The following ASXL3 variants were observed in gnomAD, a reference collection of about 807,000 sequenced individuals.
The protein encoded by ASXL3 is ASXL transcriptional regulator 3, also known as putative Polycomb group protein ASXL3.
Under a neutral mutation model 170.6 loss-of-function variants are expected in ASXL3, and 34 were observed. The ratio of observed to expected loss-of-function variants is 0.20; its 90% confidence interval spans 0.15 to 0.27. The LOEUF is 0.27. Ranked by LOEUF, ASXL3 falls within the 10% of genes least tolerant of loss-of-function variation. The probability of loss-of-function intolerance (pLI) is 1.00; values close to 1 mark genes in which losing one functional copy is unlikely to be tolerated. For missense variants in ASXL3, 2,592 were observed against 2,695.3 expected (o/e 0.96, Z 0.85); for synonymous variants, 1,002 against 989.1 (o/e 1.01, Z -0.24).
At chr18:33,726,031 G>A (rs562044973) in intron 8 of ASXL3, among the ~76,000 whole-genome samples, 8 of 152,248 alleles carry the variant, frequency 5.3e-5, no homozygotes, top group African/African-American at 1.7e-4. Context: ...CCTCTACACT[G>A]CAGTAGGAGT....
chr18:33,657,760 G>A (rs1028183416), intron 4 of ASXL3, among the ~76,000 whole-genome samples: 4 of 152,064 alleles, frequency 2.6e-5, no homozygotes, highest in Non-Finnish European at 4.4e-5. Flanking sequence ...TGGGGAGTGC[G>A]AGTAGAGGTA....
intron 8 of ASXL3, among the ~76,000 whole-genome samples, chr18:33,730,468 A>G (rs890893656): frequency 6.6e-6 from 1 of 152,188 alleles, no homozygotes. Context: ...CATTGGGAAC[A>G]TAGCACCAAA....
chr18:33,738,884 C>T lies in ASXL3; in HGVS notation c.1480C>T (p.Pro494Ser). The T allele has an allele frequency of 6.2e-7, 1 of 1,613,506 alleles. No homozygotes were observed. The highest frequency in any genetic ancestry group is 1.1e-5 in the South Asian group (1 of 91,050). The change falls in exon 11 of 12, where the codon CCT becomes TCT. Residue 494 changes from proline (P) to serine (S), a missense_variant. Coordinates refer to ENST00000269197, the MANE Select transcript of ASXL3 (RefSeq NM_030632.3). ...TNSHEEPQIA[P>S]PEDNLESCVM... The stretch of plus-strand genomic sequence containing the variant: ...TTCTCATGAAGAACCCCAAATAGCA[C>T]CTCCTGAAGATAACTTGGAATCCTG...
chr18:33,662,444 A>G (rs1451314881), intron 5 of ASXL3, among the ~76,000 whole-genome samples: 1 of 152,174 alleles, frequency 6.6e-6, no homozygotes, highest in Non-Finnish European at 1.5e-5. Flanking sequence ...TGCTCCTGGG[A>G]TTGATCCGAG....
chr18:33,673,455 A>G (rs181002482), intron 7 of ASXL3, among the ~76,000 whole-genome samples: 15 of 150,506 alleles, frequency 1.0e-4, no homozygotes, highest in African/African-American at 3.2e-4. Flanking sequence ...GCTCACTGCA[A>G]CCTCTGCCCC....
chr18:33,734,472 T>G, intron 10 of ASXL3, 57 bp downstream of exon 10: 1 of 1,181,622 alleles, frequency 8.5e-7, no homozygotes, highest in Non-Finnish European at 1.2e-6. Context: ...AATGTAATTC[T>G]CTGCTTCACA....
intron 8 of ASXL3, among the ~76,000 whole-genome samples, chr18:33,685,081 T>C (rs2066572615): frequency 6.6e-6 from 1 of 152,102 alleles, no homozygotes; most frequent in African/African-American, 2.4e-5. Flanking sequence ...TACAAAGCCA[T>C]TGAGGGATTT....
At chr18:33,710,037 C>T (rs1436397712) in intron 8 of ASXL3, among the ~76,000 whole-genome samples, 1 of 152,116 alleles carries the variant, frequency 6.6e-6, no homozygotes, top group Non-Finnish European at 1.5e-5. Context: ...GGGTGGATCA[C>T]CTGAGGTTAG....
chr18:33,726,870 G>A (rs926969301), intron 8 of ASXL3, among the ~76,000 whole-genome samples: 1 of 152,054 alleles, frequency 6.6e-6, no homozygotes, highest in African/African-American at 2.4e-5. Flanking sequence ...TGTCCCCTCC[G>A]CTCCTCTTCC....
Position 33,700,241 on chromosome 18 carries a change from A to ATAGGAATC in ASXL3, c.879+16674_879+16681dup, listed in dbSNP as rs569130463. ...GAGCAATTAAGTAATCAAGATAAAA[A>ATAGGAATC]TAGGAATCGGTGGCTTACTGTAACG... On this transcript the variant is annotated intron_variant, in intron 8 of 11. Coordinates refer to ENST00000269197, the MANE Select transcript of ASXL3 (RefSeq NM_030632.3). 2.5e-4 allele frequency among the ~76,000 whole-genome samples: 38 copies of ATAGGAATC among 152,202 alleles called. No individual in the cohort carries two copies. In the East Asian group the frequency reaches 6.2e-3, roughly 25 times the overall value.
rs997083491 is a variant in ASXL3, at chr18:33,695,317, A to G, written c.879+11749A>G. ...TGAGTCTGAAAGCGTATCTAAAAGT[A>G]CTTAGAAGATCCATTATTTCTTCTT... On this transcript the variant is annotated intron_variant, in intron 8 of 11. Transcript: ENST00000269197. Among the ~76,000 whole-genome samples, 13 of 152,256 alleles carry G rather than the reference A, an allele frequency of 8.5e-5. No homozygotes were observed. In the East Asian group the frequency reaches 1.5e-3, roughly 18 times the overall value.
chr18:33,713,156 A>G (rs954547390), intron 8 of ASXL3, among the ~76,000 whole-genome samples: 5 of 151,506 alleles, frequency 3.3e-5, no homozygotes, highest in African/African-American at 1.2e-4. Context: ...TTACTATACA[A>G]AATCAGGGTT....
chr18:33,684,010 C>T (rs906517194), intron 8 of ASXL3, among the ~76,000 whole-genome samples: 6 of 152,120 alleles, frequency 3.9e-5, no homozygotes, highest in African/African-American at 1.4e-4. Flanking sequence ...GAGAGTCTAT[C>T]AGTATGAATA....
rs767761454 is a variant in ASXL3 at position 33,744,080 on chromosome 18, C to T, written c.4232C>T (p.Pro1411Leu). Residue 1411 changes from proline to leucine, a missense_variant, in exon 12 of 12, where the codon CCG becomes CTG. Physicochemically the swap from Pro to Leu is moderately conservative, Grantham distance 98. Coordinates refer to ENST00000269197, the MANE Select transcript of ASXL3 (RefSeq NM_030632.3). ...GTCACAGACTCTCTGGTTGCACACCCGACCGTCGCAATGTTTACTGGAAAC... is the reference window on the plus strand; with the variant it reads ...GTCACAGACTCTCTGGTTGCACACCTGACCGTCGCAATGTTTACTGGAAAC... ...VAVTDSLVAH[P>L]TVAMFTGNML... 6 of 1,614,008 alleles carry T rather than the reference C, an allele frequency of 3.7e-6. No individual in the cohort carries two copies. The highest frequency in any genetic ancestry group is 1.7e-5 in the Admixed American group (1 of 60,016).
intron 2 of ASXL3, among the ~76,000 whole-genome samples, chr18:33,641,426 A>G (rs1259969920): frequency 6.6e-6 from 1 of 152,108 alleles, no homozygotes; most frequent in Non-Finnish European, 1.5e-5. Flanking sequence ...AATAAGCTGT[A>G]TATCTACCCT....
chr18:33,736,909 C>A (rs1009120156), intron 10 of ASXL3, among the ~76,000 whole-genome samples: 1 of 152,026 alleles, frequency 6.6e-6, no homozygotes, highest in African/African-American at 2.4e-5. Context: ...ATACACTTAC[C>A]TATATGTATA....
chr18:33,735,679 C>G (rs1471661783), intron 10 of ASXL3, among the ~76,000 whole-genome samples: 2 of 152,184 alleles, frequency 1.3e-5, no homozygotes, highest in East Asian at 3.9e-4. Flanking sequence ...CTTCTTCCCT[C>G]TGCTTTTGCC....
At chr18:33,661,393 G>A (rs1197972764) in intron 4 of ASXL3, among the ~76,000 whole-genome samples, 1 of 152,014 alleles carries the variant, frequency 6.6e-6, no homozygotes, top group Non-Finnish European at 1.5e-5. Flanking sequence ...TCATCAATTT[G>A]CGGGTTAGGA....
At chr18:33,602,492 C>G (rs906505348) in intron 1 of ASXL3, among the ~76,000 whole-genome samples, 2 of 152,074 alleles carry the variant, frequency 1.3e-5, no homozygotes, top group African/African-American at 2.4e-5. Flanking sequence ...TATCAGTAAT[C>G]CAAGTTCATG....
Sources: gnomAD v4.1 joint callset for allele counts (sites outside exome capture counted in the v4.1 genomes callset) on GRCh38, gnomAD v4.1.1 for gene constraint, MANE v1.5 for transcripts, NCBI Gene and HGNC (gene_info 2026-07-23, HGNC 2026-07-21) for gene names.